The following DMBT1 variants were observed in gnomAD, a reference collection of about 807,000 sequenced individuals.
DMBT1 encodes deleted in malignant brain tumors 1.
Under a neutral mutation model 252.9 loss-of-function variants are expected in DMBT1, and 198 were observed. The observed-to-expected ratio is 0.78, with a 90% CI of 0.70 to 0.88. The LOEUF (loss-of-function observed/expected upper bound fraction) is 0.88, where lower values mean the gene tolerates loss of function less well. DMBT1 is among the 40% of genes least tolerant of loss of function. The pLI, the probability that DMBT1 is intolerant of heterozygous loss-of-function variation, is 0.00. For missense variants in DMBT1, 2,432 were observed against 2,404.7 expected, an observed-to-expected ratio of 1.01 and a Z score of -0.24; for synonymous variants, 990 against 942.7, an observed-to-expected ratio of 1.05 and a Z score of -0.92.
rs1009009259 is a variant in DMBT1 at position 122,588,821 on chromosome 10, C to T, written c.1784-123C>T. On this transcript the variant is annotated intron_variant, in intron 16 of 55. Coordinates refer to ENST00000338354, the MANE Select transcript of DMBT1 (RefSeq NM_001377530.1). Reference sequence around the variant, plus strand: ...AAGCTGAACCTCTGGTTGCAGTCATCTTTAATCGTGACTGCCTGCCCAGGT... The same window carrying T: ...AAGCTGAACCTCTGGTTGCAGTCATTTTTAATCGTGACTGCCTGCCCAGGT... 7 of 1,500,602 alleles carry T rather than the reference C, an allele frequency of 4.7e-6. 1 individual carries two copies. The highest frequency in any genetic ancestry group is 9.1e-7 in the Non-Finnish European group (1 of 1,103,776). 93.0% of individuals were successfully genotyped at this position (1,500,602 alleles called of 1,614,324 possible).
chr10:122,590,753 T>A, intron 18 of DMBT1, 59 bp downstream of exon 18: 3 of 1,559,680 alleles, frequency 1.9e-6, no homozygotes, highest in Non-Finnish European at 2.6e-6. Context: ...ATTATCCTTT[T>A]TCCCATTCCA....
At chr10:122,639,206 A>G (rs564397039) in intron 54 of DMBT1, among the ~76,000 whole-genome samples, 1 of 152,382 alleles carries the variant, frequency 6.6e-6, no homozygotes, top group East Asian at 1.9e-4. Context: ...CGTAGGCACC[A>G]CAGGCAAATG....
chr10:122,625,069 G>A (rs150637950), intron 44 of DMBT1, among the ~76,000 whole-genome samples: 2,250 of 152,278 alleles, frequency 0.015, 29 homozygotes, highest in Middle Eastern at 0.054. Context: ...GCAAACAAGG[G>A]TTCAATCTAC....
chr10:122,617,158 G>C lies in DMBT1; in HGVS notation c.4859-70G>C, dbSNP rs72836133. On this transcript the variant is annotated intron_variant, in intron 39 of 55. Transcript: ENST00000338354. ...GTTGCCAGGTTGATTCCCCCTCCCA[G>C]AGAACCTTTTGTTCTGTGCCTTTTC... 75 of 1,517,900 alleles carry C rather than the reference G, an allele frequency of 4.9e-5. 2 individuals carry two copies. The South Asian group carries it at 8.3e-4, about 17-fold the overall frequency. 94.0% of individuals were successfully genotyped at this position (1,517,900 alleles called of 1,614,324 possible).
rs574127724 is a variant in DMBT1, at chr10:122,587,319, C to A, written c.1783+936C>A. ...GAGGACTAATAAGGAGGCATCAGAC[C>A]GGAAACACAAGGCTGGGAGTGGAGA... is the stretch of plus-strand genomic sequence containing the variant. On this transcript the variant is annotated intron_variant, in intron 16 of 55. Coordinates refer to ENST00000338354, the MANE Select transcript of DMBT1 (RefSeq NM_001377530.1). 3.2e-4 allele frequency among the ~76,000 whole-genome samples: 48 copies of A among 148,388 alleles called. 7 individuals are homozygous for A. The Middle Eastern group carries it at 0.017, about 53-fold the overall frequency.
In DMBT1 at chr10:122,585,203, A is replaced by G. The variant is rs559104984; in HGVS notation, c.1421-68A>G. The G allele has an allele frequency of 4.3e-5, 67 of 1,551,244 alleles. No homozygotes were observed. The Admixed American group carries it at 1.1e-3, about 26-fold the overall frequency. ...TTTTCATGATGCTCGCCTTCTCCGG[A>G]GACTTTTCCTTTTGGAGATTTTCAC... is the stretch of plus-strand genomic sequence containing the variant. On this transcript the variant is annotated intron_variant, in intron 14 of 55. Transcript: ENST00000338354.
chr10:122,619,862 T>C (rs549585399), intron 42 of DMBT1, among the ~76,000 whole-genome samples: 112 of 152,332 alleles, frequency 7.4e-4, no homozygotes, highest in African/African-American at 2.5e-3. Flanking sequence ...GGATAATAAA[T>C]ATTTCTGGTG....
At chr10:122,573,851 T>C in intron 6 of DMBT1, 89 bp downstream of exon 6, 1 of 1,526,324 alleles carries the variant, frequency 6.6e-7, no homozygotes, top group South Asian at 1.1e-5. Flanking sequence ...GCAGAGGGCA[T>C]AGAAAGTAGG....
chr10:122,616,974 T>TG (rs1277961080), intron 39 of DMBT1, among the ~76,000 whole-genome samples: 3 of 123,912 alleles, frequency 2.4e-5, no homozygotes, highest in African/African-American at 3.4e-5. Flanking sequence ...GATTGCATGG[T>TG]GGGGGGCATC....
Position 122,631,103 on chromosome 10 carries a change from AG to A in DMBT1, c.6171del (p.Cys2058ValfsTer25), listed in dbSNP as rs149086975. The A allele has an allele frequency of 6.2e-7, 1 of 1,613,848 alleles. No homozygotes were observed. The highest frequency in any genetic ancestry group is 1.7e-5 in the Admixed American group (1 of 60,000). On this transcript the variant is annotated frameshift_variant, in exon 49 of 56. Transcript: ENST00000338354. LOFTEE classifies it high-confidence loss of function. ...AAGCTGAGGTGGTCTGCAGACAGCT[AG>A]GGTGTGGACGTGCAGTTTCAGCCCT... The part of the protein sequence containing the change: ...QEAEVVCRQL[G>X]CGRAVSALGN...
In DMBT1 at chr10:122,618,307, G is replaced by A. The variant is rs1198038550; in HGVS notation, c.5182G>A (p.Gly1728Ser). Residue 1728 changes from glycine to serine, a missense_variant, in exon 41 of 56, where the codon GGC (glycine) becomes AGC (serine). Gly to Ser is a moderately conservative substitution (Grantham distance 56). Transcript: ENST00000338354. ...PHNGWLSHNC[G>S]HHEDAGVICS... ...CAATGGCTGGCTCTCCCACAACTGT[G>A]GCCATCATGAAGATGCTGGTGTCAT... 2 of 1,613,808 alleles carry A rather than the reference G, an allele frequency of 1.2e-6. No homozygotes were observed. Among genetic ancestry groups the A allele is most frequent in the African/African-American group, 1.3e-5 (1 of 75,022 alleles).
At position 122,630,346 on chromosome 10, in the gene DMBT1, A is replaced by T; in HGVS notation, c.5881A>T (p.Asn1961Tyr). ...TGTTGAAATCTTTGATGGATCATTG[A>T]ATAGCAGTCTCCTGCTGGGGAAAAT... is the stretch of plus-strand genomic sequence containing the variant. ...DYVEIFDGSL[N>Y]SSLLLGKICN... The change falls in exon 48 of 56, where the codon AAT becomes TAT. Residue 1961 changes from asparagine to tyrosine, a missense_variant. Coordinates refer to ENST00000338354, the MANE Select transcript of DMBT1 (RefSeq NM_001377530.1). The T allele has an allele frequency of 1.2e-6, 2 of 1,614,076 alleles. No individual in the cohort carries two copies. Among genetic ancestry groups the T allele is most frequent in the Non-Finnish European group, 1.7e-6 (2 of 1,179,908 alleles).
Position 122,618,028 on chromosome 10 carries a change from A to T in DMBT1, c.4903A>T (p.Thr1635Ser), listed in dbSNP as rs761112046. The change falls in exon 41 of 56, where the codon ACT becomes TCT. Residue 1635 changes from threonine to serine, a missense_variant. Physicochemically the swap from Thr to Ser is moderately conservative, Grantham distance 58 (BLOSUM62 1). Around this residue, in one of 3 missense-constraint regions of DMBT1, gnomAD observed 1,162 missense variants for 1,169.0 expected, o/e 0.99. Transcript: ENST00000338354. Reference protein sequence around the residue: ...SRASTAGSESTLALRLVNGGD... With the variant: ...SRASTAGSESSLALRLVNGGD... ...GTGTTCCCCTGTAGGATCTGAATCC[A>T]CTTTGGCCCTGAGACTGGTGAATGG... 9.3e-6 allele frequency: 15 copies of T among 1,612,952 alleles called. No homozygotes were observed. The highest frequency in any genetic ancestry group is 1.3e-5 in the Non-Finnish European group (15 of 1,179,756).
chr10:122,620,301 C>A lies in DMBT1; in HGVS notation c.5284+10C>A. 1 of 1,613,848 alleles carries A rather than the reference C, an allele frequency of 6.2e-7. No homozygotes were observed. Among genetic ancestry groups the A allele is most frequent in the Non-Finnish European group, 8.5e-7 (1 of 1,179,804 alleles). On this transcript the variant is annotated intron_variant, in intron 43 of 55. Coordinates refer to ENST00000338354, the MANE Select transcript of DMBT1 (RefSeq NM_001377530.1). The stretch of plus-strand genomic sequence containing the variant: ...CCGGCATTGACAGTAGGTAAATAAT[C>A]CTCTCGCCCCTCCCTAGGGCTCACT...
At chr10:122,570,819 A>G in intron 3 of DMBT1, 71 bp from the exon 4 acceptor site, 1 of 1,546,010 alleles carries the variant, frequency 6.5e-7, no homozygotes, top group Non-Finnish European at 8.9e-7. Context: ...TTCAGAGCTG[A>G]CGAAGCCATG....
In DMBT1 at chr10:122,572,338, C is replaced by T; in HGVS notation, c.212C>T (p.Thr71Ile). 1 of 1,613,132 alleles carries T rather than the reference C, an allele frequency of 6.2e-7. No individual in the cohort carries two copies. The highest frequency in any genetic ancestry group is 8.5e-7 in the Non-Finnish European group (1 of 1,179,286). Residue 71 changes from threonine to isoleucine, a missense_variant, in exon 5 of 56, where the codon ACC (threonine) becomes ATC (isoleucine). Thr to Ile is a moderately conservative substitution (Grantham distance 89). Transcript: ENST00000338354. ...GGTTCTCCGATTTCCTTGGAGTCAA[C>T]CCTGGAGTCAACCGTAGCAGAAGGT... ...AEGSPISLES[T>I]LESTVAEGSL...
At chr10:122,600,643 G>C (rs1341062143) in intron 27 of DMBT1, among the ~76,000 whole-genome samples, 1 of 152,168 alleles carries the variant, frequency 6.6e-6, no homozygotes, top group Non-Finnish European at 1.5e-5. Context: ...GGCAGCCCCT[G>C]GTTCCCCTAA....
At chr10:122,639,818 C>T (rs1183709282) in intron 54 of DMBT1, among the ~76,000 whole-genome samples, 1 of 152,202 alleles carries the variant, frequency 6.6e-6, no homozygotes, top group African/African-American at 2.4e-5. Context: ...AGAACCCCTT[C>T]CTGTGGGTCT....
chr10:122,567,529 TC>T (rs2097607299), intron 2 of DMBT1, among the ~76,000 whole-genome samples: 1 of 152,072 alleles, frequency 6.6e-6, no homozygotes, highest in Non-Finnish European at 1.5e-5. Context: ...TCCCTTTGCA[TC>T]CCATTCCAGC....
Sources: gnomAD v4.1 joint callset for allele counts (sites outside exome capture counted in the v4.1 genomes callset) on GRCh38, gnomAD v4.1.1 for gene constraint, gnomAD v4.1.1 regional missense constraint, MANE v1.5 for transcripts, NCBI Gene and HGNC (gene_info 2026-07-23, HGNC 2026-07-21) for gene names.